Variants in MGAT4C observed in about 807,000 individuals in gnomAD.
The protein encoded by MGAT4C is MGAT4 family member C, also known as alpha-1,3-mannosyl-glycoprotein 4-beta-N-acetylglucosaminyltransferase C.
MGAT4C carries 19 observed loss-of-function variants against 40.1 expected under a neutral mutation model. That is an observed-to-expected ratio of 0.47 (90% CI 0.33 to 0.70). The LOEUF is 0.70. Ranked by LOEUF, MGAT4C falls within the 30% of genes least tolerant of loss-of-function variation. The probability of loss-of-function intolerance (pLI) is 0.02; values close to 1 mark genes in which losing one functional copy is unlikely to be tolerated. For missense variants in MGAT4C, 491 were observed against 563.2 expected, an observed-to-expected ratio of 0.87 and a Z score of 1.30; for synonymous variants, 181 against 187.1, an observed-to-expected ratio of 0.97 and a Z score of 0.27.
rs1451181446 is a variant in MGAT4C, at chr12:86,230,884, C to CT, written c.-57+25354dup. 3.1e-5 allele frequency among the ~76,000 whole-genome samples: 4 copies of CT among 128,118 alleles called. No homozygotes were observed. In the Admixed American group the frequency reaches 3.1e-4, roughly 10 times the overall value. 84.1% of individuals were successfully genotyped at this position (128,118 alleles called of 152,430 possible). A position where few individuals can be genotyped will look rare whatever the true frequency, so the allele number is the denominator to read the frequency against. ...CAAACACTCCCTTTTTTTTTTTTTA[C>CT]TTTTTTCCTAATTTACGTGCCAAAC... On this transcript the variant is annotated intron_variant, in intron 1 of 4. Coordinates refer to ENST00000611864, the MANE Select transcript of MGAT4C (RefSeq NM_001351288.2).
chr12:86,539,730 G>T (rs1258567856), intron 2 of MGAT4C, among the ~76,000 whole-genome samples: 1 of 152,154 alleles, frequency 6.6e-6, no homozygotes, highest in Non-Finnish European at 1.5e-5. Context: ...GTGTGAGATG[G>T]TATCTCATTG....
intron 4 of MGAT4C, among the ~76,000 whole-genome samples, chr12:86,281,037 T>C (rs1272343590): frequency 2.6e-5 from 4 of 152,050 alleles, no homozygotes; most frequent in African/African-American, 9.7e-5. Context: ...ATATTTTGCT[T>C]GTCTTGTAAG....
chr12:86,456,405 C>G (rs1957512398), intron 2 of MGAT4C, among the ~76,000 whole-genome samples: 1 of 152,034 alleles, frequency 6.6e-6, no homozygotes, highest in Non-Finnish European at 1.5e-5. Flanking sequence ...TAAATGGCAG[C>G]CTGGCATTCA....
intron 2 of MGAT4C, among the ~76,000 whole-genome samples, chr12:86,528,219 AAAG>A (rs1958917959): frequency 6.6e-6 from 1 of 152,100 alleles, no homozygotes; most frequent in Admixed American, 6.5e-5. Context: ...AATCAAAAGT[AAAG>A]AAGATTATTG....
At chr12:86,541,818 T>C (rs1161520153) in intron 2 of MGAT4C, among the ~76,000 whole-genome samples, 1 of 152,232 alleles carries the variant, frequency 6.6e-6, no homozygotes. Context: ...TTAAGCTTCA[T>C]GTCATCTTTA....
At chr12:86,216,090 T>A in intron 1 of MGAT4C, among the ~76,000 whole-genome samples, 1 of 152,292 alleles carries the variant, frequency 6.6e-6, no homozygotes, top group Admixed American at 6.5e-5. Flanking sequence ...TAGGACTCCA[T>A]TTTCTGGGAT....
intron 2 of MGAT4C, among the ~76,000 whole-genome samples, chr12:86,494,324 A>C (rs1015411515): frequency 6.6e-6 from 1 of 151,996 alleles, no homozygotes; most frequent in African/African-American, 2.4e-5. Context: ...AAAATTGTTC[A>C]AATTTTATTT....
intron 1 of MGAT4C, among the ~76,000 whole-genome samples, chr12:86,764,300 G>C (rs944799165): frequency 6.6e-6 from 1 of 152,054 alleles, no homozygotes; most frequent in Non-Finnish European, 1.5e-5. Flanking sequence ...AGGCGGCAGC[G>C]AGGCTGGGGG....
At chr12:86,529,419 CTCTTGACAACTAGTTCTTTGTCT>C (rs2136370899) in intron 2 of MGAT4C, among the ~76,000 whole-genome samples, 1 of 152,184 alleles carries the variant, frequency 6.6e-6, no homozygotes, top group East Asian at 1.9e-4. Flanking sequence ...ATGTAATACA[CTCTTGACAACTAGTTCTTTGTCT>C]ATTTAAACCA....
At chr12:86,207,630 A>G (rs561418503) in intron 1 of MGAT4C, among the ~76,000 whole-genome samples, 2 of 152,364 alleles carry the variant, frequency 1.3e-5, no homozygotes, top group South Asian at 4.1e-4. Flanking sequence ...TGACACTTAT[A>G]TAGCATATAC....
At chr12:86,675,102 T>G (rs985132279) in intron 2 of MGAT4C, among the ~76,000 whole-genome samples, 1 of 152,302 alleles carries the variant, frequency 6.6e-6, no homozygotes, top group African/African-American at 2.4e-5. Flanking sequence ...TGCAAATACA[T>G]GTCATCGTCA....
chr12:86,837,340 G>A (rs1953057905), intron 1 of MGAT4C, among the ~76,000 whole-genome samples: 1 of 152,034 alleles, frequency 6.6e-6, no homozygotes, highest in Non-Finnish European at 1.5e-5. Flanking sequence ...TACAATCCCT[G>A]TGAGGAAAAG....
intron 2 of MGAT4C, among the ~76,000 whole-genome samples, chr12:86,451,190 G>T (rs1957420600): frequency 1.3e-5 from 2 of 152,006 alleles, no homozygotes; most frequent in Admixed American, 1.3e-4. Flanking sequence ...TAGTGAGGGG[G>T]TTCTTGTGAG....
At chr12:86,498,102 C>T (rs1176528704) in intron 2 of MGAT4C, among the ~76,000 whole-genome samples, 3 of 150,178 alleles carry the variant, frequency 2.0e-5, no homozygotes, top group African/African-American at 7.3e-5. Flanking sequence ...GTATTTTGGT[C>T]GTAAGCACAT....
chr12:86,597,798 C>A (rs1292884390), intron 2 of MGAT4C, among the ~76,000 whole-genome samples: 1 of 152,134 alleles, frequency 6.6e-6, no homozygotes, highest in Non-Finnish European at 1.5e-5. Context: ...CATCCACAAT[C>A]CCTTTAAAAA....
At chr12:86,762,619 C>G (rs966739536) in intron 1 of MGAT4C, among the ~76,000 whole-genome samples, 2 of 152,108 alleles carry the variant, frequency 1.3e-5, no homozygotes, top group African/African-American at 4.8e-5. Flanking sequence ...AGCATTTTCC[C>G]CTGGTTAAGT....
intron 1 of MGAT4C, among the ~76,000 whole-genome samples, chr12:86,190,248 T>A (rs1430009116): frequency 6.6e-6 from 1 of 152,112 alleles, no homozygotes; most frequent in African/African-American, 2.4e-5. Flanking sequence ...TTTTCACATT[T>A]TTCTAAGTCT....
chr12:86,180,068 T>G (rs1208566973), intron 1 of MGAT4C, among the ~76,000 whole-genome samples: 1 of 152,208 alleles, frequency 6.6e-6, no homozygotes, highest in Non-Finnish European at 1.5e-5. Context: ...GTGTGCACCC[T>G]TGGGACTTGG....
chr12:85,982,499 A>G (rs549328645), intron 4 of MGAT4C, among the ~76,000 whole-genome samples: 55 of 152,276 alleles, frequency 3.6e-4, no homozygotes, highest in Middle Eastern at 3.4e-3. Context: ...TAAGATTTAT[A>G]TTTTACACAT....
Sources: allele counts gnomAD v4.1 joint callset (sites outside exome capture counted in the v4.1 genomes callset), GRCh38; gene constraint gnomAD v4.1.1; transcripts MANE v1.5; gene names NCBI Gene and HGNC (gene_info 2026-07-23, HGNC 2026-07-21).